The following ALOX12B variants were observed in gnomAD, a reference collection of about 807,000 sequenced individuals.
The protein encoded by ALOX12B is arachidonate 12-lipoxygenase, 12R-type.
A neutral mutation model predicts 78.9 loss-of-function variants in ALOX12B; 47 were observed. That is an observed-to-expected ratio of 0.60 (90% CI 0.47 to 0.76). The LOEUF is 0.76. Among genes scored for constraint, ALOX12B ranks in the 30% least tolerant of loss-of-function variants. The pLI is 0.00. For synonymous variants in ALOX12B, 370 were observed against 374.5 expected (o/e 0.99, Z 0.14); for missense variants, 805 against 922.6 (o/e 0.87, Z 1.65).
chr17:8,077,235 C>A, intron 8 of ALOX12B, 42 bp from the exon 9 acceptor site: 1 of 1,567,158 alleles, frequency 6.4e-7, no homozygotes. Flanking sequence ...AGGGCAGAGA[C>A]CCACACACAT....
At chr17:8,086,241 G>T in intron 1 of ALOX12B, 21 bp from the exon 2 acceptor site, 11 of 1,611,332 alleles carry the variant, frequency 6.8e-6, no homozygotes, top group Non-Finnish European at 8.5e-6. Context: ...TGCAAGCCTG[G>T]CTGAGTGGGC....
rs1267430715 is a variant in ALOX12B at position 8,079,977 on chromosome 17, C to T, written c.755-36G>A. 1 of 1,597,670 alleles carries T rather than the reference C, an allele frequency of 6.3e-7. No homozygotes were observed. The highest frequency in any genetic ancestry group is 8.5e-7 in the Non-Finnish European group (1 of 1,172,260). On this transcript the variant is annotated intron_variant, in intron 6 of 14. Transcript: ENST00000647874. This position sits in a 1 kb window ranked among gnomAD's most constrained non-coding sequence, Gnocchi z 6.4. The stretch of plus-strand genomic sequence containing the variant: ...GGCGCGAGGGCGTCACAAGGAGGCC[C>T]GGCCCCCCTCGGGGACGGAGAGGCA...
At chr17:8,085,941 G>A in intron 2 of ALOX12B, 75 bp downstream of exon 2, 1 of 1,557,216 alleles carries the variant, frequency 6.4e-7, no homozygotes, top group Non-Finnish European at 8.8e-7. Flanking sequence ...TGGGAGCCTG[G>A]GTGCCATGCC....
intron 10 of ALOX12B, 21 bp from the exon 11 acceptor site, chr17:8,076,365 C>A (rs1395220435): frequency 1.6e-5 from 26 of 1,579,020 alleles, no homozygotes; most frequent in Non-Finnish European, 2.2e-5. Context: ...GGAGGCAGAT[C>A]CTGGAGCCGG....
intron 2 of ALOX12B, 135 bp downstream of exon 2, chr17:8,085,881 G>A (rs1978295319): frequency 2.0e-6 from 2 of 1,009,762 alleles, no homozygotes; most frequent in Admixed American, 1.9e-5. Flanking sequence ...TGTGACAGTG[G>A]CAGGAGAGCC....
chr17:8,081,016 C>G, intron 3 of ALOX12B, 40 bp from the exon 4 acceptor site: 1 of 1,613,266 alleles, frequency 6.2e-7, no homozygotes, highest in Middle Eastern at 1.6e-4. Flanking sequence ...TGCCCGTGCA[C>G]CACCCCAGGG....
chr17:8,076,179 C>G lies in ALOX12B; in HGVS notation c.1528G>C (p.Glu510Gln). 1.2e-6 allele frequency: 2 copies of G among 1,614,100 alleles called. No homozygotes were observed. Among genetic ancestry groups the G allele is most frequent in the Non-Finnish European group, 1.7e-6 (2 of 1,180,018 alleles). Residue 510 changes from glutamate to glutamine, a missense_variant, in exon 11 of 15, where the codon GAG becomes CAG. By Grantham distance (29) the Glu-to-Gln change is conservative. Coordinates refer to ENST00000647874, the MANE Select transcript of ALOX12B (RefSeq NM_001139.3). ...CCACTGCTGTCCTGAGCTCACTTCT[C>G]CAGTGCATTCCACACCGCCAAGCTG... is the stretch of plus-strand genomic sequence containing the variant. The part of the protein sequence containing the change: ...DDSLAVWNAL[E>Q]KYVTEIITYY...
chr17:8,075,588 C>T lies in ALOX12B; in HGVS notation c.1654+7G>A, dbSNP rs977937363. 1 of 1,613,874 alleles carries T rather than the reference C, an allele frequency of 6.2e-7. No individual in the cohort carries two copies. The highest frequency in any genetic ancestry group is 1.3e-5 in the African/African-American group (1 of 74,924). The stretch of plus-strand genomic sequence containing the variant: ...CCCCCTGATTGCCCAGGTGTCCAGG[C>T]CCATACCTGAGCTCTCCCGCCCCAG... On this transcript the variant is annotated splice_region_variant and intron_variant, in intron 12 of 14. Transcript: ENST00000647874.
chr17:8,078,300 G>T (rs10852895), intron 8 of ALOX12B, among the ~76,000 whole-genome samples: 1 of 150,980 alleles, frequency 6.6e-6, no homozygotes, highest in Admixed American at 6.6e-5. Context: ...CGCCGCCCCC[G>T]ACCATGCCCA....
chr17:8,075,512 C>T (rs1977059584), intron 12 of ALOX12B, 83 bp downstream of exon 12: 1 of 1,603,854 alleles, frequency 6.2e-7, no homozygotes, highest in African/African-American at 1.3e-5. Flanking sequence ...TCTGATCCAG[C>T]CCAGGAGGGC....
Position 8,073,638 on chromosome 17 carries a change from T to A in ALOX12B, c.1755+19A>T. 6.2e-7 allele frequency: 1 copy of A among 1,609,902 alleles called. No homozygotes were observed. The highest frequency in any genetic ancestry group is 1.3e-5 in the African/African-American group (1 of 74,926). On this transcript the variant is annotated intron_variant, in intron 13 of 14. Coordinates refer to ENST00000647874, the MANE Select transcript of ALOX12B (RefSeq NM_001139.3). ...GTCTGAGCCTCGGGCTGGGCCTGGGTTGGTGAGACCACCGGTACCTGGCCT... is the reference window on the plus strand; with the variant it reads ...GTCTGAGCCTCGGGCTGGGCCTGGGATGGTGAGACCACCGGTACCTGGCCT...
intron 12 of ALOX12B, among the ~76,000 whole-genome samples, chr17:8,074,383 C>T (rs1035632044): frequency 3.3e-5 from 5 of 152,126 alleles, no homozygotes; most frequent in African/African-American, 1.2e-4. Context: ...TCCTTTTAGC[C>T]CCCAGCTCAA....
At position 8,087,332 on chromosome 17, in the gene ALOX12B, C is replaced by G; in HGVS notation, c.111G>C (p.Leu37=). 6.2e-7 allele frequency: 1 copy of G among 1,613,992 alleles called. No individual in the cohort carries two copies. The highest frequency in any genetic ancestry group is 8.5e-7 in the Non-Finnish European group (1 of 1,180,012). The change falls in exon 1 of 15, where the codon CTG becomes CTC. Residue 37 remains leucine, a synonymous_variant. Coordinates refer to ENST00000647874, the MANE Select transcript of ALOX12B (RefSeq NM_001139.3). ...VGTQGESHKQ[L]LNHFGRDFAT... ...CAAAGTCTCTCCCAAAGTGGTTCAG[C>G]AGCTGCTTATGGCTCTCTCCTTGTG...
At chr17:8,075,279 C>T (rs768976236) in intron 12 of ALOX12B, among the ~76,000 whole-genome samples, 3 of 152,204 alleles carry the variant, frequency 2.0e-5, no homozygotes, top group African/African-American at 4.8e-5. Context: ...GGAGCTCATA[C>T]CCCATTTCAC....
chr17:8,082,342 T>C lies in ALOX12B; in HGVS notation c.353-1155A>G, dbSNP rs187069444. ...CCTGTATAAACTGGCCATAAAAATATGTGACAGTAAGCTGTGGAAAGTCAC... is the reference window on the plus strand; with the variant it reads ...CCTGTATAAACTGGCCATAAAAATACGTGACAGTAAGCTGTGGAAAGTCAC... On this transcript the variant is annotated intron_variant, in intron 2 of 14. Transcript: ENST00000647874. 1.3e-5 allele frequency among the ~76,000 whole-genome samples: 2 copies of C among 152,288 alleles called. 1 individual carries two copies. Among genetic ancestry groups the C allele is most frequent in the East Asian group, 3.9e-4 (2 of 5,182 alleles).
chr17:8,077,123 G>T lies in ALOX12B; in HGVS notation c.1142C>A (p.Ala381Asp), dbSNP rs1451401260. 1 of 1,613,482 alleles carries T rather than the reference G, an allele frequency of 6.2e-7. No homozygotes were observed. The highest frequency in any genetic ancestry group is 8.5e-7 in the Non-Finnish European group (1 of 1,179,936). ...PSDSEWDWLL[A>D]KTWVRYAEFY... ...CTCCGCATAGCGTACCCACGTCTTGGCTAGCAGCCAGTCCCACTCAGAATC... is the reference window on the plus strand; with the variant it reads ...CTCCGCATAGCGTACCCACGTCTTGTCTAGCAGCCAGTCCCACTCAGAATC... The change falls in exon 9 of 15, where the codon GCC becomes GAC. Residue 381 changes from alanine (A) to aspartate (D), a missense_variant. Ala to Asp is a moderately radical substitution (Grantham distance 126). Transcript: ENST00000647874.
At position 8,072,643 on chromosome 17, in the gene ALOX12B, A is replaced by C; in HGVS notation, c.*128T>G. The C allele has an allele frequency of 2.2e-6, 3 of 1,365,542 alleles. No homozygotes were observed. Among genetic ancestry groups the C allele is most frequent in the Non-Finnish European group, 3.1e-6 (3 of 970,046 alleles). 84.6% of individuals were successfully genotyped at this position (1,365,542 alleles called of 1,614,324 possible). A position where few individuals can be genotyped will look rare whatever the true frequency, so the allele number is the denominator to read the frequency against. Reference sequence around the variant, plus strand: ...TTCACAGCCAGACCCAGGGAAAGGAAGGTTTTTTGTTTTTTTGTTTGTTTG... The same window carrying C: ...TTCACAGCCAGACCCAGGGAAAGGACGGTTTTTTGTTTTTTTGTTTGTTTG... On this transcript the variant is annotated 3_prime_UTR_variant, in exon 15 of 15. Coordinates refer to ENST00000647874, the MANE Select transcript of ALOX12B (RefSeq NM_001139.3).
chr17:8,073,548 G>T (rs906574706), intron 13 of ALOX12B, 109 bp downstream of exon 13: 16 of 1,155,552 alleles, frequency 1.4e-5, no homozygotes, highest in Admixed American at 1.9e-5. Context: ...GGAACAAGTT[G>T]AGGCTGGACC....
rs776908057 is a variant in ALOX12B at position 8,072,793 on chromosome 17, A to G, written c.2084T>C (p.Ile695Thr). Reference sequence around the variant, plus strand: ...CTCCTAAATAGAAATGCTGTTCTCAATCAGCACCGGGTCCAGGTAGTAGTA... The same window carrying G: ...CTCCTAAATAGAAATGCTGTTCTCAGTCAGCACCGGGTCCAGGTAGTAGTA... ...IPYYYLDPVL[I>T]ENSISI Residue 695 changes from isoleucine (I) to threonine (T), a missense_variant, in exon 15 of 15, where the codon ATT becomes ACT. Transcript: ENST00000647874. The G allele has an allele frequency of 4.3e-6, 7 of 1,614,238 alleles. No individual in the cohort carries two copies. Among genetic ancestry groups the G allele is most frequent in the East Asian group, 2.2e-5 (1 of 44,884 alleles).
Sources: gnomAD v4.1 joint callset for allele counts (sites outside exome capture counted in the v4.1 genomes callset) on GRCh38, gnomAD v4.1.1 for gene constraint, Gnocchi (gnomAD v3.1) non-coding constraint, MANE v1.5 for transcripts, NCBI Gene and HGNC (gene_info 2026-07-23, HGNC 2026-07-21) for gene names.